ATP10B: variants seen among roughly 807,000 people sequenced by gnomAD.
ATP10B encodes phospholipid-transporting ATPase VB.
A neutral mutation model predicts 141.2 loss-of-function variants in ATP10B; 122 were observed. The ratio of observed to expected loss-of-function variants is 0.86; its 90% CI spans 0.75 to 1.00. The LOEUF (loss-of-function observed/expected upper bound fraction) is 1.00. ATP10B is among the 50% of genes least tolerant of loss of function. The probability of loss-of-function intolerance (pLI) is 0.00; values close to 1 mark genes in which losing one functional copy is unlikely to be tolerated. For synonymous variants in ATP10B, 685 were observed against 692.0 expected (o/e 0.99, Z 0.16); for missense variants, 1,876 against 1,825.3 (o/e 1.03, Z -0.51).
chr5:160,871,193 C>A, the ATP10B span, among the ~76,000 whole-genome samples: 1 of 151,828 alleles, frequency 6.6e-6, no homozygotes, highest in Non-Finnish European at 1.5e-5. Context: ...TAACAGTTTG[C>A]TCAAAATAAA....
At chr5:160,883,883 C>G in the ATP10B span, among the ~76,000 whole-genome samples, 2 of 152,140 alleles carry the variant, frequency 1.3e-5, no homozygotes, top group African/African-American at 4.8e-5. Context: ...TACAGTTCAA[C>G]AATCAGTGAA....
intron 16 of ATP10B, 32 bp from the exon 17 acceptor site, chr5:160,615,996 T>C: frequency 6.3e-7 from 1 of 1,590,370 alleles, no homozygotes; most frequent in Non-Finnish European, 8.6e-7. Flanking sequence ...CTTAACAATC[T>C]TGGGTGGACC....
At chr5:160,769,159 T>C (rs1399128035) in intron 2 of ATP10B, among the ~76,000 whole-genome samples, 1 of 147,284 alleles carries the variant, frequency 6.8e-6, no homozygotes, top group Non-Finnish European at 1.5e-5. Context: ...AGGAGGGTAG[T>C]GATTTTTTAA....
rs776444496 is a variant in ATP10B, at chr5:160,602,656, T to C, written c.3284A>G (p.Lys1095Arg). 3.7e-6 allele frequency: 6 copies of C among 1,613,914 alleles called. No individual in the cohort carries two copies. The highest frequency in any genetic ancestry group is 3.4e-6 in the Non-Finnish European group (4 of 1,179,940). ...GTGGCCATGCACGAGCAGCAACTTC[T>C]TGAGATGCTTAAAGCGGGTGATGGC... ...DFAITRFKHL[K>R]KLLLVHGHWC... is the part of the protein sequence containing the mutation. The change falls in exon 21 of 26, where the codon AAG becomes AGG. Residue 1095 changes from lysine to arginine, a missense_variant. Physicochemically the swap from Lys to Arg is conservative, Grantham distance 26. Transcript: ENST00000327245.
intron 1 of ATP10B, among the ~76,000 whole-genome samples, chr5:160,814,338 G>A (rs544686541): frequency 2.0e-4 from 31 of 152,306 alleles, no homozygotes; most frequent in Non-Finnish European, 3.4e-4. Context: ...CGTGATGAAT[G>A]CACAAGCCTC....
chr5:160,844,854 G>A (rs1240668766), intron 1 of ATP10B, among the ~76,000 whole-genome samples: 1 of 152,006 alleles, frequency 6.6e-6, no homozygotes, highest in Non-Finnish European at 1.5e-5. Flanking sequence ...CAATACTTAT[G>A]TTATAATAAC....
chr5:160,729,085 G>A (rs1412630083), intron 2 of ATP10B, among the ~76,000 whole-genome samples: 2 of 152,192 alleles, frequency 1.3e-5, no homozygotes, highest in Non-Finnish European at 2.9e-5. Flanking sequence ...GCCTCAGTTT[G>A]CACATCTGCA....
chr5:160,685,230 A>G (rs781016619), intron 6 of ATP10B: 11 of 568,606 alleles, frequency 1.9e-5, no homozygotes, highest in Non-Finnish European at 6.2e-6. Context: ...TCTCTGCTCA[A>G]TGTTGTCTTT....
intron 3 of ATP10B, among the ~76,000 whole-genome samples, chr5:160,709,767 G>A (rs1379722764): frequency 6.1e-5 from 5 of 82,158 alleles, no homozygotes; most frequent in African/African-American, 9.9e-5. Context: ...CCCCTCCCCC[G>A]ACCCCACCAC....
chr5:160,748,160 G>A (rs371328503), intron 2 of ATP10B, among the ~76,000 whole-genome samples: 4 of 151,766 alleles, frequency 2.6e-5, no homozygotes, highest in South Asian at 2.1e-4. Context: ...CTGCAGTACC[G>A]CTTTTGGAAG....
At chr5:160,850,365 A>G (rs1026941245) in intron 1 of ATP10B, among the ~76,000 whole-genome samples, 10 of 152,166 alleles carry the variant, frequency 6.6e-5, no homozygotes, top group Admixed American at 5.9e-4. Flanking sequence ...CAGAGGTTGC[A>G]TTGAGCTGAG....
chr5:160,910,030 T>C, the ATP10B span, among the ~76,000 whole-genome samples: 1 of 152,154 alleles, frequency 6.6e-6, no homozygotes, highest in South Asian at 2.1e-4. Context: ...TTGGGTGAAT[T>C]AAAATATAGA....
intron 7 of ATP10B, among the ~76,000 whole-genome samples, chr5:160,666,707 G>A (rs770524216): frequency 1.3e-5 from 2 of 152,168 alleles, no homozygotes; most frequent in Non-Finnish European, 2.9e-5. Context: ...AAATCTTTCT[G>A]CCCTAAAAGT....
chr5:160,681,124 G>A (rs770687889), intron 6 of ATP10B, among the ~76,000 whole-genome samples: 12 of 152,272 alleles, frequency 7.9e-5, no homozygotes, highest in South Asian at 2.1e-4. Context: ...AAGTCTCTTC[G>A]TTGTTTAAAC....
chr5:160,824,044 C>T (rs1021348415), intron 1 of ATP10B, among the ~76,000 whole-genome samples: 1 of 151,778 alleles, frequency 6.6e-6, no homozygotes, highest in Admixed American at 6.6e-5. Flanking sequence ...TTTTTTGAGA[C>T]GGAGTCTGGC....
intron 7 of ATP10B, among the ~76,000 whole-genome samples, chr5:160,660,468 C>T (rs1354451806): frequency 6.6e-6 from 1 of 152,118 alleles, no homozygotes; most frequent in Non-Finnish European, 1.5e-5. Flanking sequence ...AAGAAAAACC[C>T]ACTGAACACC....
chr5:160,919,736 C>T, the ATP10B span, among the ~76,000 whole-genome samples: 1 of 152,154 alleles, frequency 6.6e-6, no homozygotes. Context: ...GGCATCTACC[C>T]ATGCAGAAAT....
In ATP10B at chr5:160,619,832, A is replaced by G. The variant is rs76705733; in HGVS notation, c.2416+515T>C. Among the ~76,000 whole-genome samples, 207 of 152,340 alleles carry G rather than the reference A, an allele frequency of 1.4e-3. 3 individuals are homozygous for G. In the East Asian group the frequency reaches 0.037, roughly 27 times the overall value. On this transcript the variant is annotated intron_variant, in intron 15 of 25. Coordinates refer to ENST00000327245, the MANE Select transcript of ATP10B (RefSeq NM_025153.3). ...TAAAGAGGAACACCTGAGGCTTCCC[A>G]GAGTACACCAAGCCCAGTGCAGAAT...
chr5:160,652,867 AATAT>A (rs1473029489), intron 7 of ATP10B, among the ~76,000 whole-genome samples: 13 of 91,082 alleles, frequency 1.4e-4, no homozygotes, highest in Admixed American at 1.7e-4. Context: ...AATTATATAT[AATAT>A]ATATAATATA....
Sources: gnomAD v4.1 joint callset for allele counts (sites outside exome capture counted in the v4.1 genomes callset) on GRCh38, gnomAD v4.1.1 for gene constraint, MANE v1.5 for transcripts, NCBI Gene and HGNC (gene_info 2026-07-23, HGNC 2026-07-21) for gene names.